Variants in WDR5 observed in about 807,000 individuals in gnomAD.
WDR5 encodes WD repeat-containing protein 5.
For synonymous variants in WDR5, 144 were observed against 161.6 expected (o/e 0.89, Z 0.83); for missense variants, 187 against 416.9 (o/e 0.45, Z 4.80).
chr9:134,151,712 G>T (rs548803129), intron 8 of WDR5, among the ~76,000 whole-genome samples: 132 of 152,240 alleles, frequency 8.7e-4, no homozygotes, highest in Admixed American at 1.4e-3. Flanking sequence ...TCTGTGTTGG[G>T]GGTCAACTGT....
Position 134,154,849 on chromosome 9 carries a change from C to T in WDR5, c.707+308C>T, listed in dbSNP as rs544598298. The stretch of plus-strand genomic sequence containing the variant: ...GTCGGCGGTCCGGGGGCCTCCAAGG[C>T]CCTTTCTGGTTCTGACCTCTGAGCA... On this transcript the variant is annotated intron_variant, in intron 10 of 13. Transcript: ENST00000358625. 5.9e-5 allele frequency among the ~76,000 whole-genome samples: 9 copies of T among 152,370 alleles called. No homozygotes were observed. The East Asian group carries it at 1.2e-3, about 20-fold the overall frequency.
At chr9:134,150,468 G>C (rs1446337675) in intron 8 of WDR5, among the ~76,000 whole-genome samples, 3 of 152,156 alleles carry the variant, frequency 2.0e-5, no homozygotes, top group Non-Finnish European at 4.4e-5. Flanking sequence ...CACATGTGGC[G>C]ACATGCTGAA....
chr9:134,149,420 G>A (rs903297715), intron 8 of WDR5, among the ~76,000 whole-genome samples: 5 of 152,198 alleles, frequency 3.3e-5, no homozygotes, highest in South Asian at 4.1e-4. Flanking sequence ...TAGTCTCCAC[G>A]GTTAAAGCCA....
intron 7 of WDR5, 31 bp downstream of exon 7, chr9:134,142,750 T>C: frequency 6.2e-7 from 1 of 1,608,116 alleles, no homozygotes; most frequent in Non-Finnish European, 8.5e-7. Flanking sequence ...TGGGGTGGTG[T>C]CCAGCACTAC....
intron 8 of WDR5, among the ~76,000 whole-genome samples, chr9:134,149,462 A>T (rs35924689): frequency 6.6e-6 from 1 of 152,196 alleles, no homozygotes; most frequent in East Asian, 1.9e-4. Flanking sequence ...CCAGCTTATT[A>T]TAAAGGATAC....
chr9:134,139,808 C>G lies in WDR5; in HGVS notation c.-58-12C>G, dbSNP rs1243521931. The G allele has an allele frequency of 6.5e-7, 1 of 1,537,202 alleles. No individual in the cohort carries two copies. Among genetic ancestry groups the G allele is most frequent in the Non-Finnish European group, 8.9e-7 (1 of 1,117,440 alleles). Reference sequence around the variant, plus strand: ...TGTTTCTTGGCTCCCTGTTCTGCATCTCGCTCAACAGACTGCCTCTGTCAC... The same window carrying G: ...TGTTTCTTGGCTCCCTGTTCTGCATGTCGCTCAACAGACTGCCTCTGTCAC... On this transcript the variant is annotated splice_polypyrimidine_tract_variant and intron_variant, in intron 1 of 13. Coordinates refer to ENST00000358625, the MANE Select transcript of WDR5 (RefSeq NM_017588.3).
chr9:134,153,304 C>G (rs1456686964), intron 9 of WDR5, among the ~76,000 whole-genome samples: 1 of 152,194 alleles, frequency 6.6e-6, no homozygotes, highest in Non-Finnish European at 1.5e-5. Flanking sequence ...GGGATTCCAG[C>G]CTGGGCGCCC....
intron 7 of WDR5, among the ~76,000 whole-genome samples, chr9:134,145,379 G>A (rs1832138484): frequency 1.3e-5 from 2 of 152,198 alleles, no homozygotes; most frequent in South Asian, 2.1e-4. Flanking sequence ...GATTACAGGC[G>A]TGAGCCGCTG....
At chr9:134,145,543 C>T (rs1467467045) in intron 7 of WDR5, among the ~76,000 whole-genome samples, 1 of 152,240 alleles carries the variant, frequency 6.6e-6, no homozygotes, top group Non-Finnish European at 1.5e-5. Context: ...AGTGAGCATC[C>T]TGTTTGCATC....
At chr9:134,141,462 G>A in intron 3 of WDR5, 48 bp from the exon 4 acceptor site, 2 of 1,593,546 alleles carry the variant, frequency 1.3e-6, no homozygotes, top group East Asian at 2.2e-5. Context: ...TGGATGACTA[G>A]ACAATTGTGT....
At position 134,140,651 on chromosome 9, in the gene WDR5, C is replaced by T. The variant is rs528100258; in HGVS notation, c.82-52C>T. 3.4e-5 allele frequency: 50 copies of T among 1,486,016 alleles called. No individual in the cohort carries two copies. The East Asian group carries it at 3.8e-4, about 11-fold the overall frequency. The allele number at this position is 1,486,016 out of a possible 1,614,324, so 92.1% of individuals were successfully genotyped here. A position where few individuals can be genotyped will look rare whatever the true frequency, so the allele number is the denominator to read the frequency against. ...TGGGAGTCAAAATCCAAACTGGTCA[C>T]GGGTGGAACGTACAGTGGTGGTGAC... is the stretch of plus-strand genomic sequence containing the variant. On this transcript the variant is annotated intron_variant, in intron 2 of 13. Transcript: ENST00000358625.
chr9:134,153,706 C>T (rs944134573), intron 9 of WDR5, among the ~76,000 whole-genome samples: 4 of 150,918 alleles, frequency 2.7e-5, no homozygotes, highest in Non-Finnish European at 5.9e-5. Flanking sequence ...GTGTCCTTCC[C>T]GGTGCTCGGG....
chr9:134,139,796 C>T, intron 1 of WDR5, 24 bp from the exon 2 acceptor site: 1 of 1,451,932 alleles, frequency 6.9e-7, no homozygotes. Context: ...TTCTTGGCTC[C>T]CTGTTCTGCA....
At chr9:134,145,434 T>G (rs1832143306) in intron 7 of WDR5, among the ~76,000 whole-genome samples, 1 of 152,186 alleles carries the variant, frequency 6.6e-6, no homozygotes, top group African/African-American at 2.4e-5. Flanking sequence ...ATCTATGCCC[T>G]TGGATTGCTG....
Position 134,158,257 on chromosome 9 carries a change from A to G in WDR5, c.*264A>G, listed in dbSNP as rs917055765. On this transcript the variant is annotated 3_prime_UTR_variant, in exon 14 of 14. Transcript: ENST00000358625. ...CTATTGTGTTCAAACAGAGTCAACA[A>G]AAGTTTTTAATTTTTTATTACAGAA... 1.6e-5 allele frequency: 5 copies of G among 316,742 alleles called. No individual in the cohort carries two copies. The allele number at this position is 316,742 out of a possible 1,614,324, so 19.6% of individuals were successfully genotyped here. A position where few individuals can be genotyped will look rare whatever the true frequency, so the allele number is the denominator to read the frequency against.
chr9:134,153,512 C>T (rs915574028), intron 9 of WDR5, among the ~76,000 whole-genome samples: 7 of 152,220 alleles, frequency 4.6e-5, no homozygotes, highest in Non-Finnish European at 1.0e-4. Context: ...GGGAGCCCGG[C>T]CCCCCGGCCC....
chr9:134,138,522 C>T (rs750633904), intron 1 of WDR5, among the ~76,000 whole-genome samples: 1 of 152,156 alleles, frequency 6.6e-6, no homozygotes, highest in South Asian at 2.1e-4. Context: ...TACCGAGGAC[C>T]GGTTTTGTAC....
At chr9:134,156,710 C>T (rs1490226286) in intron 13 of WDR5, 117 bp downstream of exon 13, 1 of 931,682 alleles carries the variant, frequency 1.1e-6, no homozygotes, top group Non-Finnish European at 1.6e-6. Flanking sequence ...CCTCAGCCCT[C>T]CGCTGGCCCC....
intron 1 of WDR5, among the ~76,000 whole-genome samples, chr9:134,137,720 G>A (rs1051250689): frequency 6.7e-5 from 10 of 149,626 alleles, no homozygotes; most frequent in African/African-American, 2.2e-4. Flanking sequence ...CCCCACCGAC[G>A]TAGAAACTTG....
Sources: allele counts gnomAD v4.1 joint callset (sites outside exome capture counted in the v4.1 genomes callset), GRCh38; gene constraint gnomAD v4.1.1; transcripts MANE v1.5; gene names NCBI Gene and HGNC (gene_info 2026-07-23, HGNC 2026-07-21).